CDK5RAP3: variants seen among roughly 807,000 people sequenced by gnomAD.
CDK5RAP3 encodes CDK5 regulatory subunit associated protein 3, also known as CDK5 regulatory subunit-associated protein 3.
In CDK5RAP3, 58 loss-of-function variants were observed where a neutral mutation model predicts 73.3. The ratio of observed to expected loss-of-function variants is 0.79; its 90% CI spans 0.64 to 0.98. The LOEUF (loss-of-function observed/expected upper bound fraction) is 0.98, where lower values mean the gene tolerates loss of function less well. Among genes scored for constraint, CDK5RAP3 ranks in the 50% least tolerant of loss-of-function variants. The pLI is 0.00. For synonymous variants in CDK5RAP3, 224 were observed against 247.5 expected (o/e 0.91, Z 0.89); for missense variants, 525 against 615.8 (o/e 0.85, Z 1.56).
In CDK5RAP3 at chr17:47,974,655, C is replaced by T. The variant is rs1055328500; in HGVS notation, c.334+207C>T. ...GCTGGGGGAAGGAGGAGGTCCAGGCCGGTAGTGGCCATTCGCCGTGCCTCA... is the reference window on the plus strand; with the variant it reads ...GCTGGGGGAAGGAGGAGGTCCAGGCTGGTAGTGGCCATTCGCCGTGCCTCA... On this transcript the variant is annotated intron_variant, in intron 5 of 13. Transcript: ENST00000338399. The T allele has an allele frequency of 9.3e-6, 13 of 1,391,826 alleles. No homozygotes were observed. In the African/African-American group the frequency reaches 1.0e-4, roughly 11 times the overall value. 86.2% of individuals were successfully genotyped at this position (1,391,826 alleles called of 1,614,324 possible).
At chr17:47,970,845 C>G, upstream of CDK5RAP3, 1 of 1,407,910 alleles carries the variant, frequency 7.1e-7, no homozygotes, top group Non-Finnish European at 9.5e-7. Flanking sequence ...CGAGCGCCGC[C>G]TGTCGCAATC....
intron 4 of CDK5RAP3, 49 bp downstream of exon 4, chr17:47,974,080 C>T (rs750797949): frequency 2.3e-5 from 30 of 1,307,718 alleles, no homozygotes; most frequent in South Asian, 8.3e-5. Context: ...ACATCCAATC[C>T]GAGGAGTCAT....
chr17:47,980,963 A>G lies in CDK5RAP3; in HGVS notation c.1283+165A>G, dbSNP rs140498132. On this transcript the variant is annotated intron_variant, in intron 12 of 13. Transcript: ENST00000338399. Reference sequence around the variant, plus strand: ...GGGACAAGAGGGGGAGGTTTCACATATACAGGAAGAATCTGCTTGCTTCCT... The same window carrying G: ...GGGACAAGAGGGGGAGGTTTCACATGTACAGGAAGAATCTGCTTGCTTCCT... The G allele has an allele frequency of 1.1e-3, 960 of 858,952 alleles. 4 individuals carry two copies. The African/African-American group carries it at 0.015, about 13-fold the overall frequency. The allele number at this position is 858,952 out of a possible 1,614,324, so 53.2% of individuals were successfully genotyped here.
At position 47,980,668 on chromosome 17, in the gene CDK5RAP3, C is replaced by T. The variant is rs1368206600; in HGVS notation, c.1153C>T (p.Leu385=). The T allele has an allele frequency of 6.2e-7, 1 of 1,614,050 alleles. No homozygotes were observed. Among genetic ancestry groups the T allele is most frequent in the Non-Finnish European group, 8.5e-7 (1 of 1,179,976 alleles). ...TGTCCTGTCTGTGAGCCAGTTCCAG[C>T]TGGCTCCAGCCATCCTGCAGGGCCA... is the stretch of plus-strand genomic sequence containing the variant. ...ADVLSVSQFQ[L]APAILQGQTK... Residue 385 remains leucine, a synonymous_variant, in exon 12 of 14, where the codon CTG becomes TTG. Coordinates refer to ENST00000338399, the MANE Select transcript of CDK5RAP3 (RefSeq NM_176096.3).
chr17:47,968,591 C>T (rs2036212508), upstream of CDK5RAP3, among the ~76,000 whole-genome samples: 2 of 152,252 alleles, frequency 1.3e-5, no homozygotes, highest in Admixed American at 1.3e-4. Flanking sequence ...AATATCGGCT[C>T]ACTGCAACCT....
intron 2 of CDK5RAP3, among the ~76,000 whole-genome samples, chr17:47,972,544 C>A (rs376673223): frequency 4.6e-5 from 7 of 152,100 alleles, no homozygotes; most frequent in Non-Finnish European, 8.8e-5. Flanking sequence ...GCTTGGTGGT[C>A]ACGGGGGAAG....
At position 47,975,354 on chromosome 17, in the gene CDK5RAP3, T is replaced by TCTTGGCAGCCA. The variant is rs1402045958; in HGVS notation, c.513+20_513+21insGGCAGCCACTT. The TCTTGGCAGCCA allele has an allele frequency of 6.2e-7, 1 of 1,612,378 alleles. No homozygotes were observed. The highest frequency in any genetic ancestry group is 2.2e-5 in the East Asian group (1 of 44,888). On this transcript the variant is annotated intron_variant, in intron 6 of 13. Coordinates refer to ENST00000338399, the MANE Select transcript of CDK5RAP3 (RefSeq NM_176096.3). ...GGCATCACGGTGAGCGGCGGCAGCC[T>TCTTGGCAGCCA]CTTCGCAGCCAGAGGACACCTGGGC...
intron 3 of CDK5RAP3, 99 bp downstream of exon 3, chr17:47,973,749 TAG>T: frequency 6.7e-7 from 1 of 1,500,822 alleles, no homozygotes; most frequent in Non-Finnish European, 9.1e-7. Flanking sequence ...GGCTGGCCTT[TAG>T]AGAGGGAGCG....
At position 47,977,865 on chromosome 17, in the gene CDK5RAP3, G is replaced by A. The variant is rs775134086; in HGVS notation, c.943G>A (p.Asp315Asn). ...AGGTGATGGGATAGACTGGGGAGAC[G>A]ATGCTGTTGCTTTGCAGATCACAGT... is the stretch of plus-strand genomic sequence containing the variant. ...PGGDGIDWGDDAVALQITVLE... is the reference protein window; with the variant it reads ...PGGDGIDWGDNAVALQITVLE... Residue 315 changes from aspartate (D) to asparagine (N), a missense_variant, in exon 10 of 14, where the codon GAT becomes AAT. Around this residue, in one of 2 missense-constraint regions of CDK5RAP3, gnomAD observed 409 missense variants for 429.8 expected, o/e 0.95. Transcript: ENST00000338399. The A allele has an allele frequency of 4.6e-5, 74 of 1,613,954 alleles. No individual in the cohort carries two copies. The highest frequency in any genetic ancestry group is 2.5e-4 in the East Asian group (11 of 44,890).
intron 10 of CDK5RAP3, chr17:47,978,193 C>A (rs1302406079): frequency 6.9e-6 from 2 of 290,024 alleles, no homozygotes; most frequent in African/African-American, 4.5e-5. Context: ...CCTCAGCCTC[C>A]CGAGTAGCTG....
rs775512135 is a variant in CDK5RAP3, at chr17:47,973,648, C to G, written c.182C>G (p.Ser61Cys). Residue 61 changes from serine (S) to cysteine (C), a missense_variant and splice_region_variant, in exon 3 of 14, where the codon TCC becomes TGC. By Grantham distance (112) the Ser-to-Cys change is moderately radical. Transcript: ENST00000338399. ...GAGATCGCCCAGCTGCTGTCTGGGT[C>G]CTGTGAGTGCTTAGGGGCTGTCACT... Reference protein sequence around the residue: ...SEEIAQLLSGSYIHYFHCLRI... With the variant: ...SEEIAQLLSGCYIHYFHCLRI... 1.2e-6 allele frequency: 2 copies of G among 1,614,034 alleles called. No homozygotes were observed. Among genetic ancestry groups the G allele is most frequent in the Non-Finnish European group, 1.7e-6 (2 of 1,179,992 alleles).
chr17:47,977,763 G>C, intron 9 of CDK5RAP3, 69 bp from the exon 10 acceptor site: 1 of 1,319,658 alleles, frequency 7.6e-7, no homozygotes, highest in Admixed American at 1.8e-5. Flanking sequence ...CAAGGGCTTT[G>C]GTTTATTCTG....
At chr17:47,972,671 T>G (rs1381193409) in intron 2 of CDK5RAP3, among the ~76,000 whole-genome samples, 2 of 18,150 alleles carry the variant, frequency 1.1e-4, no homozygotes, top group East Asian at 3.4e-3. Flanking sequence ...TCATTGAGGG[T>G]TTTTTTTTGT....
chr17:47,977,945 T>A (rs773381489), intron 10 of CDK5RAP3, 35 bp downstream of exon 10: 2 of 1,583,790 alleles, frequency 1.3e-6, no homozygotes, highest in South Asian at 2.2e-5. Flanking sequence ...CTGGCAAAAG[T>A]GGGGTGCTCA....
At position 47,975,503 on chromosome 17, in the gene CDK5RAP3, C is replaced by G. The variant is rs1208593476; in HGVS notation, c.514-11C>G. ...CAATCTGTTGGACTCCACCTCTTCT[C>G]CCCTCTCTAGGGCGAAAATGTCCGA... is the stretch of plus-strand genomic sequence containing the variant. On this transcript the variant is annotated splice_polypyrimidine_tract_variant and intron_variant, in intron 6 of 13. Coordinates refer to ENST00000338399, the MANE Select transcript of CDK5RAP3 (RefSeq NM_176096.3). The G allele has an allele frequency of 6.2e-7, 1 of 1,610,576 alleles. No individual in the cohort carries two copies. The highest frequency in any genetic ancestry group is 1.1e-5 in the South Asian group (1 of 91,086).
chr17:47,975,479 A>C, intron 6 of CDK5RAP3, 35 bp from the exon 7 acceptor site: 1 of 1,609,596 alleles, frequency 6.2e-7, no homozygotes, highest in Non-Finnish European at 8.5e-7. Context: ...TGTTTTCTTC[A>C]ATCTGTTGGA....
chr17:47,981,516 C>T lies in CDK5RAP3; in HGVS notation c.*14C>T. ...ACCTCTCTGTGACACCCTCCGTGTT[C>T]TTGCCTGCCCATCTTCTCCGCTTTT... On this transcript the variant is annotated 3_prime_UTR_variant, in exon 14 of 14. Transcript: ENST00000338399. The T allele has an allele frequency of 5.0e-6, 8 of 1,614,228 alleles. No individual in the cohort carries two copies. The highest frequency in any genetic ancestry group is 6.8e-6 in the Non-Finnish European group (8 of 1,180,038).
In CDK5RAP3 at chr17:47,973,625, G is replaced by T; in HGVS notation, c.159G>T (p.Glu53Asp). The T allele has an allele frequency of 6.2e-7, 1 of 1,614,154 alleles. No individual in the cohort carries two copies. The highest frequency in any genetic ancestry group is 8.5e-7 in the Non-Finnish European group (1 of 1,180,018). The change falls in exon 3 of 14, where the codon GAG becomes GAT. Residue 53 changes from glutamate to aspartate, a missense_variant. Physicochemically the swap from Glu to Asp is conservative, Grantham distance 45. Around this residue, in one of 2 missense-constraint regions of CDK5RAP3, gnomAD observed 409 missense variants for 429.8 expected, o/e 0.95. Coordinates refer to ENST00000338399, the MANE Select transcript of CDK5RAP3 (RefSeq NM_176096.3). ...TCCAGGACATGCCAGAGAGCGAAGA[G>T]ATCGCCCAGCTGCTGTCTGGGTCCT... ...AAIQDMPESE[E>D]IAQLLSGSYI... is the part of the protein sequence containing the mutation.
Position 47,975,296 on chromosome 17 carries a change from C to T in CDK5RAP3, c.472C>T (p.Arg158Trp), listed in dbSNP as rs201230966. The change falls in exon 6 of 14, where the codon CGG becomes TGG. Residue 158 changes from arginine to tryptophan, a missense_variant. Transcript: ENST00000338399. ...GTGCCAGGCAGGGGCTGCCGAGATG[C>T]GGGAGCAGTTCTACCACTCCTGCAA... is the stretch of plus-strand genomic sequence containing the variant. ...EECQAGAAEM[R>W]EQFYHSCKQY... is the part of the protein sequence containing the mutation. 182 of 1,614,006 alleles carry T rather than the reference C, an allele frequency of 1.1e-4. 1 individual carries two copies. Among genetic ancestry groups the T allele is most frequent in the Non-Finnish European group, 3.1e-5 (37 of 1,180,032 alleles).
Sources: allele counts gnomAD v4.1 joint callset (sites outside exome capture counted in the v4.1 genomes callset), GRCh38; gene constraint gnomAD v4.1.1; regional missense constraint gnomAD v4.1.1; transcripts MANE v1.5; gene names NCBI Gene and HGNC (gene_info 2026-07-23, HGNC 2026-07-21).